The following STK39 variants were observed in gnomAD, a reference collection of about 807,000 sequenced individuals.
The protein encoded by STK39 is serine/threonine kinase 39.
A neutral mutation model predicts 77.8 loss-of-function variants in STK39; 20 were observed. The ratio of observed to expected loss-of-function variants is 0.26; its 90% CI spans 0.18 to 0.37. The LOEUF (loss-of-function observed/expected upper bound fraction) is 0.37. Ranked by LOEUF, STK39 falls within the 10% of genes least tolerant of loss-of-function variation. STK39 has a pLI of 1.00. For synonymous variants in STK39, 246 were observed against 234.1 expected (o/e 1.05, Z -0.47); for missense variants, 479 against 656.5 (o/e 0.73, Z 2.95).
intron 14 of STK39, among the ~76,000 whole-genome samples, chr2:168,046,422 C>A (rs1331887501): frequency 2.0e-5 from 3 of 152,152 alleles, no homozygotes; most frequent in African/African-American, 7.2e-5. Context: ...TGAGACACGG[C>A]AGAGTGCAGA....
At chr2:168,129,657 A>G in intron 9 of STK39, 51 bp from the exon 10 acceptor site, 1 of 1,614,006 alleles carries the variant, frequency 6.2e-7, no homozygotes, top group Non-Finnish European at 8.5e-7. Flanking sequence ...ATACACATAA[A>G]TACACAGTGA....
intron 12 of STK39, among the ~76,000 whole-genome samples, chr2:168,067,847 G>A (rs953415966): frequency 2.0e-5 from 3 of 152,154 alleles, no homozygotes; most frequent in African/African-American, 7.2e-5. Context: ...TGATGGGAAG[G>A]TGTATTAGTC....
intron 1 of STK39, among the ~76,000 whole-genome samples, chr2:168,191,250 G>C (rs1689332982): frequency 6.6e-6 from 1 of 152,198 alleles, no homozygotes; most frequent in Non-Finnish European, 1.5e-5. Context: ...ACCCAGTTAG[G>C]GGGAAAAGCT....
intron 17 of STK39, among the ~76,000 whole-genome samples, chr2:167,961,200 T>G (rs955029864): frequency 7.2e-5 from 11 of 152,232 alleles, no homozygotes; most frequent in African/African-American, 2.7e-4. Flanking sequence ...TACCTGCACT[T>G]GGCAAAATGT....
chr2:168,017,111 TATA>T lies in STK39; in HGVS notation c.1377-19_1377-17del. The T allele has an allele frequency of 2.5e-6, 4 of 1,569,656 alleles. No homozygotes were observed. The highest frequency in any genetic ancestry group is 3.5e-6 in the Non-Finnish European group (4 of 1,152,912). ...TCTGGAGTTTCTGAAATACATAACA[TATA>T]ATACATTAAAGTCTAGGGAAGCAGA... On this transcript the variant is annotated splice_polypyrimidine_tract_variant and intron_variant, in intron 14 of 17. Coordinates refer to ENST00000355999, the MANE Select transcript of STK39 (RefSeq NM_013233.3).
chr2:168,013,085 T>C (rs747898802), intron 15 of STK39, among the ~76,000 whole-genome samples: 1 of 152,178 alleles, frequency 6.6e-6, no homozygotes, highest in African/African-American at 2.4e-5. Flanking sequence ...TTATCATTAG[T>C]AGCTATGGAG....
At position 168,065,371 on chromosome 2, in the gene STK39, C is replaced by G. The variant is rs1685766887; in HGVS notation, c.1253G>C (p.Ser418Thr). 1.2e-6 allele frequency: 2 copies of G among 1,613,934 alleles called. No homozygotes were observed. The highest frequency in any genetic ancestry group is 1.7e-5 in the Admixed American group (1 of 60,004). The stretch of plus-strand genomic sequence containing the variant: ...TATTTGTTCGGGGATGGTGCTGGCA[C>G]TCACTGCAATCTGTTACGAGAGCCA... ...VKEENPEIAVSASTIPEQIQS... is the reference protein window; with the variant it reads ...VKEENPEIAVTASTIPEQIQS... The change falls in exon 13 of 18, where the codon AGT becomes ACT. Residue 418 changes from serine (S) to threonine (T), a missense_variant. Around this residue, in one of 3 missense-constraint regions of STK39, gnomAD observed 244 missense variants for 296.8 expected, o/e 0.82. Transcript: ENST00000355999.
At chr2:168,186,935 T>C (rs1689223650) in intron 1 of STK39, among the ~76,000 whole-genome samples, 1 of 152,202 alleles carries the variant, frequency 6.6e-6, no homozygotes, top group Admixed American at 6.5e-5. Context: ...TTCTAAAGTC[T>C]GATACAGCAT....
At chr2:167,956,667 G>GACACACACACACACACACACACACACAC (rs762455680) in intron 17 of STK39, among the ~76,000 whole-genome samples, 2 of 47,926 alleles carry the variant, frequency 4.2e-5, no homozygotes, top group Non-Finnish European at 7.2e-5. Flanking sequence ...CTTGCTTTTA[G>GACACACACACACACACACACACACACAC]ACACACACAC....
At chr2:167,956,870 A>G (rs543062901) in intron 17 of STK39, among the ~76,000 whole-genome samples, 1 of 152,102 alleles carries the variant, frequency 6.6e-6, no homozygotes, top group African/African-American at 2.4e-5. Flanking sequence ...TTAATTACCA[A>G]AGGATCATAC....
chr2:168,236,297 G>T (rs1427771350), intron 1 of STK39, among the ~76,000 whole-genome samples: 1 of 151,986 alleles, frequency 6.6e-6, no homozygotes, highest in Non-Finnish European at 1.5e-5. Context: ...CTTTTTGATG[G>T]GGTTGTTTTT....
At chr2:168,054,473 T>C (rs1047470333) in intron 14 of STK39, among the ~76,000 whole-genome samples, 1 of 152,242 alleles carries the variant, frequency 6.6e-6, no homozygotes, top group Non-Finnish European at 1.5e-5. Context: ...AGGCATTTCA[T>C]CTTTTTGAAG....
chr2:167,979,256 T>G (rs892972813), intron 16 of STK39, among the ~76,000 whole-genome samples: 6 of 152,164 alleles, frequency 3.9e-5, no homozygotes, highest in Non-Finnish European at 8.8e-5. Flanking sequence ...TGCCAAAATG[T>G]TTTCCAGAGT....
At chr2:168,090,174 T>C (rs1297517669) in intron 10 of STK39, among the ~76,000 whole-genome samples, 1 of 152,196 alleles carries the variant, frequency 6.6e-6, no homozygotes, top group Non-Finnish European at 1.5e-5. Context: ...TGTTCTAGCA[T>C]ATAAGAAAAT....
intron 10 of STK39, among the ~76,000 whole-genome samples, chr2:168,104,963 A>T (rs12692873): frequency 6.6e-6 from 1 of 152,000 alleles, no homozygotes; most frequent in Non-Finnish European, 1.5e-5. Flanking sequence ...GGTAGTAACA[A>T]AAAGGAATGA....
intron 13 of STK39, 116 bp from the exon 14 acceptor site, chr2:168,063,686 C>A (rs1559079585): frequency 2.2e-6 from 2 of 906,426 alleles, no homozygotes; most frequent in Non-Finnish European, 3.4e-6. Flanking sequence ...AAAACTAGAT[C>A]TTTACACACG....
chr2:168,074,004 G>T (rs1186809296), intron 12 of STK39, among the ~76,000 whole-genome samples: 1 of 152,106 alleles, frequency 6.6e-6, no homozygotes, highest in Non-Finnish European at 1.5e-5. Context: ...GCTACCATGG[G>T]GAGGCAGGCA....
At chr2:167,970,195 A>G (rs1433729536) in intron 16 of STK39, among the ~76,000 whole-genome samples, 1 of 152,148 alleles carries the variant, frequency 6.6e-6, no homozygotes, top group African/African-American at 2.4e-5. Flanking sequence ...CTTCTTTCTC[A>G]TAGCACTTAT....
chr2:168,181,422 T>G (rs1391251733), intron 2 of STK39, among the ~76,000 whole-genome samples: 2 of 152,150 alleles, frequency 1.3e-5, no homozygotes, highest in Non-Finnish European at 2.9e-5. Flanking sequence ...CTCCAATTAT[T>G]TATATAAAGT....
Sources: allele counts gnomAD v4.1 joint callset (sites outside exome capture counted in the v4.1 genomes callset), GRCh38; gene constraint gnomAD v4.1.1; regional missense constraint gnomAD v4.1.1; transcripts MANE v1.5; gene names NCBI Gene and HGNC (gene_info 2026-07-23, HGNC 2026-07-21).